Variants in EPHA3 observed in about 807,000 individuals in gnomAD.
The protein encoded by EPHA3 is ephrin type-A receptor 3.
A neutral mutation model predicts 107.1 loss-of-function variants in EPHA3; 42 were observed. The observed-to-expected ratio is 0.39, with a 90% confidence interval of 0.31 to 0.51. The LOEUF (loss-of-function observed/expected upper bound fraction) is 0.51, where lower values mean the gene tolerates loss of function less well. Among genes scored for constraint, EPHA3 ranks in the 20% least tolerant of loss-of-function variants. EPHA3 has a pLI of 0.78. For synonymous variants in EPHA3, 461 were observed against 424.8 expected (o/e 1.09, Z -1.05); for missense variants, 1,183 against 1,211.2 (o/e 0.98, Z 0.35).
At chr3:89,442,928 C>A (rs183964837) in intron 13 of EPHA3, among the ~76,000 whole-genome samples, 14 of 152,296 alleles carry the variant, frequency 9.2e-5, no homozygotes, top group Admixed American at 2.6e-4. Context: ...CCACCCTCCA[C>A]CCCAGGCTCT....
chr3:89,255,763 T>C (rs1705270203), intron 3 of EPHA3, among the ~76,000 whole-genome samples: 1 of 151,914 alleles, frequency 6.6e-6, no homozygotes, highest in African/African-American at 2.4e-5. Context: ...TAGCCAGGCA[T>C]GGTGGCACAT....
intron 2 of EPHA3, among the ~76,000 whole-genome samples, chr3:89,175,986 C>T (rs1480904210): frequency 6.6e-6 from 1 of 151,934 alleles, no homozygotes; most frequent in East Asian, 1.9e-4. Flanking sequence ...TGCAACTTTG[C>T]TTTTATTTTT....
At chr3:89,396,018 A>G (rs1708844884) in intron 6 of EPHA3, 57 bp downstream of exon 6, 1 of 1,593,450 alleles carries the variant, frequency 6.3e-7, no homozygotes, top group South Asian at 1.1e-5. Flanking sequence ...TTTCCTCATG[A>G]GCTGTGCTCT....
chr3:89,218,651 C>A (rs1233740037), intron 3 of EPHA3, among the ~76,000 whole-genome samples: 2 of 151,952 alleles, frequency 1.3e-5, no homozygotes, highest in African/African-American at 4.8e-5. Context: ...GGTATATAAC[C>A]AGTAACGGGA....
chr3:89,144,917 G>A (rs148507532), intron 2 of EPHA3, among the ~76,000 whole-genome samples: 1 of 151,840 alleles, frequency 6.6e-6, no homozygotes, highest in Admixed American at 6.6e-5. Context: ...TAGTTGAACT[G>A]TTTGAAATAA....
chr3:89,152,496 A>G (rs1332521258), intron 2 of EPHA3, among the ~76,000 whole-genome samples: 2 of 152,070 alleles, frequency 1.3e-5, no homozygotes, highest in East Asian at 1.9e-4. Context: ...CTCAGGACCT[A>G]AAACGTTCAT....
chr3:89,131,503 G>C (rs1387974976), intron 2 of EPHA3, among the ~76,000 whole-genome samples: 1 of 152,060 alleles, frequency 6.6e-6, no homozygotes, highest in Admixed American at 6.5e-5. Context: ...AACTTTCTTA[G>C]ACTACATATC....
intron 5 of EPHA3, among the ~76,000 whole-genome samples, chr3:89,381,158 G>C (rs1045599026): frequency 1.1e-4 from 17 of 151,722 alleles, no homozygotes; most frequent in African/African-American, 3.9e-4. Flanking sequence ...ATTTTTAGTA[G>C]AGACGGGGTT....
At chr3:89,404,071 A>G (rs1709010458) in intron 7 of EPHA3, among the ~76,000 whole-genome samples, 2 of 152,162 alleles carry the variant, frequency 1.3e-5, no homozygotes, top group South Asian at 4.1e-4. Context: ...TAATTAAATT[A>G]GCGCTCCCGA....
intron 6 of EPHA3, among the ~76,000 whole-genome samples, 190 bp from the exon 7 acceptor site, chr3:89,399,128 A>G (rs1708906278): frequency 7.6e-6 from 1 of 132,134 alleles, no homozygotes; most frequent in Non-Finnish European, 1.6e-5. Flanking sequence ...GACTTTGTCT[A>G]AAAAAAAAAA....
Position 89,263,695 on chromosome 3 carries a change from G to A in EPHA3, c.814+53175G>A, listed in dbSNP as rs2107285180. Among the ~76,000 whole-genome samples, 3 of 152,200 alleles carry A rather than the reference G, an allele frequency of 2.0e-5. No homozygotes were observed. In the Middle Eastern group the frequency reaches 0.01, roughly 518 times the overall value. On this transcript the variant is annotated intron_variant, in intron 3 of 16. Coordinates refer to ENST00000336596, the MANE Select transcript of EPHA3 (RefSeq NM_005233.6). Reference sequence around the variant, plus strand: ...CCAGTTGCTTCTCTCTGCCAGCTGAGTGTGGGGTCTTTCTAGGCACAGGAT... The same window carrying A: ...CCAGTTGCTTCTCTCTGCCAGCTGAATGTGGGGTCTTTCTAGGCACAGGAT...
chr3:89,357,106 C>CAAAAAAAAAAAAAAAAAAAAAA (rs56717904), intron 5 of EPHA3, among the ~76,000 whole-genome samples: 1 of 15,978 alleles, frequency 6.3e-5, no homozygotes, highest in African/African-American at 2.1e-4. Context: ...GACCCTGTCT[C>CAAAAAAAAAAAAAAAAAAAAAA]AAAAAAAAAA....
chr3:89,122,308 A>G (rs1707409339), intron 1 of EPHA3, among the ~76,000 whole-genome samples: 4 of 152,174 alleles, frequency 2.6e-5, no homozygotes, highest in Admixed American at 2.0e-4. Context: ...TTTTTGTTGT[A>G]GTGGTTTTAT....
chr3:89,403,871 A>T (rs12487846), intron 7 of EPHA3, among the ~76,000 whole-genome samples: 8 of 152,160 alleles, frequency 5.3e-5, no homozygotes, highest in Non-Finnish European at 1.0e-4. Flanking sequence ...TTACTTGTAA[A>T]GTGCTTAAAA....
At chr3:89,318,992 T>G (rs1458496909) in intron 3 of EPHA3, among the ~76,000 whole-genome samples, 1 of 151,944 alleles carries the variant, frequency 6.6e-6, no homozygotes, top group Non-Finnish European at 1.5e-5. Flanking sequence ...TTACCATATG[T>G]TATTCAGAAT....
At chr3:89,148,772 A>G (rs1704626758) in intron 2 of EPHA3, among the ~76,000 whole-genome samples, 1 of 152,040 alleles carries the variant, frequency 6.6e-6, no homozygotes, top group South Asian at 2.1e-4. Context: ...CAACTGGTGA[A>G]TGCATCTGAA....
chr3:89,412,554 T>C (rs1244097469), intron 9 of EPHA3, among the ~76,000 whole-genome samples: 3 of 151,652 alleles, frequency 2.0e-5, no homozygotes, highest in Non-Finnish European at 3.0e-5. Context: ...TACATACATG[T>C]ATACACATAC....
intron 5 of EPHA3, among the ~76,000 whole-genome samples, chr3:89,388,875 A>G (rs1708673021): frequency 6.6e-6 from 1 of 152,184 alleles, no homozygotes; most frequent in Admixed American, 6.5e-5. Context: ...AAGAGAGGGG[A>G]ATCAATGTTT....
At chr3:89,469,706 A>G (rs1326375400) in intron 15 of EPHA3, among the ~76,000 whole-genome samples, 1 of 152,200 alleles carries the variant, frequency 6.6e-6, no homozygotes, top group Non-Finnish European at 1.5e-5. Context: ...AATGATTGCT[A>G]CTCATATGTA....
Sources: gnomAD v4.1 joint callset for allele counts (sites outside exome capture counted in the v4.1 genomes callset) on GRCh38, gnomAD v4.1.1 for gene constraint, MANE v1.5 for transcripts, NCBI Gene and HGNC (gene_info 2026-07-23, HGNC 2026-07-21) for gene names.